PCDHGA1: variants seen among roughly 807,000 people sequenced by gnomAD.
The protein encoded by PCDHGA1 is protocadherin gamma subfamily A, 1, also known as protocadherin gamma-A1.
In PCDHGA1, 32 loss-of-function variants were observed where a neutral mutation model predicts 58.0. The observed-to-expected ratio is 0.55, with a 90% CI of 0.42 to 0.74. The LOEUF is 0.74. PCDHGA1 is among the 30% of genes least tolerant of loss of function. PCDHGA1 has a pLI of 0.00. For synonymous variants in PCDHGA1, 498 were observed against 501.1 expected (o/e 0.99, Z 0.08); for missense variants, 1,205 against 1,182.3 (o/e 1.02, Z -0.28).
rs148675327 is a variant in PCDHGA1 at position 141,477,019 on chromosome 5, C to A, written c.2422-17788C>A. On this transcript the variant is annotated intron_variant, in intron 1 of 3. Coordinates refer to ENST00000517417, the MANE Select transcript of PCDHGA1 (RefSeq NM_018912.3). The surrounding 1 kb of genome is among the most constrained non-coding windows in gnomAD (Gnocchi z 4.9). ...AACTATTCGCCTTAGACCTTGTAAC[C>A]GGGATGCTGACAATCAAGGGTCGGC... The A allele has an allele frequency of 1.7e-5, 28 of 1,614,124 alleles. No individual in the cohort carries two copies. The African/African-American group carries it at 2.5e-4, about 15-fold the overall frequency.
At chr5:141,339,806 T>C in intron 1 of PCDHGA1, 1 of 1,614,084 alleles carries the variant, frequency 6.2e-7, no homozygotes, top group East Asian at 2.2e-5. Flanking sequence ...TCAAGTGGTA[T>C]ATTTTCTAGA....
chr5:141,466,822 G>A (rs1396286898), intron 1 of PCDHGA1, among the ~76,000 whole-genome samples: 4 of 152,046 alleles, frequency 2.6e-5, no homozygotes. Flanking sequence ...GGTATAACAA[G>A]TTAGTATGGG....
At position 141,420,019 on chromosome 5, in the gene PCDHGA1, C is replaced by T. The variant is rs2096459006; in HGVS notation, c.2422-74788C>T. 13 of 1,614,072 alleles carry T rather than the reference C, an allele frequency of 8.1e-6. No homozygotes were observed. In the East Asian group the frequency reaches 2.7e-4, roughly 33 times the overall value. On this transcript the variant is annotated intron_variant, in intron 1 of 3. Coordinates refer to ENST00000517417, the MANE Select transcript of PCDHGA1 (RefSeq NM_018912.3). ...CTCTACGCCTGCGACAGTCTTTCAGCCCTACTGCAGGAGACTGCTTTGAGT... is the reference window on the plus strand; with the variant it reads ...CTCTACGCCTGCGACAGTCTTTCAGTCCTACTGCAGGAGACTGCTTTGAGT...
At chr5:141,340,648 G>C (rs772392717) in intron 1 of PCDHGA1, 1 of 1,614,206 alleles carries the variant, frequency 6.2e-7, no homozygotes, top group South Asian at 1.1e-5. Context: ...ACGACAACGC[G>C]CCCGAGATCC....
chr5:141,377,109 G>A (rs1437857373), intron 1 of PCDHGA1: 2 of 152,368 alleles, frequency 1.3e-5, no homozygotes, highest in Admixed American at 1.3e-4. Flanking sequence ...TCAAAAGAAT[G>A]TTCTGAAGTC....
intron 1 of PCDHGA1, chr5:141,361,762 A>G (rs1184426981): frequency 6.2e-7 from 1 of 1,613,010 alleles, no homozygotes; most frequent in Non-Finnish European, 8.5e-7. Flanking sequence ...GCCCGCGCTC[A>G]GCGCCAACGT....
intron 1 of PCDHGA1, chr5:141,410,118 G>C: frequency 1.2e-6 from 2 of 1,612,422 alleles, no homozygotes; most frequent in African/African-American, 2.7e-5. Flanking sequence ...GACGCAGCCC[G>C]CCAGCGCCTG....
intron 1 of PCDHGA1, chr5:141,346,559 T>C: frequency 6.8e-7 from 1 of 1,479,268 alleles, no homozygotes. Flanking sequence ...CATGAGGTTG[T>C]CATTAGTCCT....
intron 1 of PCDHGA1, among the ~76,000 whole-genome samples, chr5:141,369,505 G>GA (rs1379316544): frequency 5.3e-5 from 8 of 150,772 alleles, no homozygotes; most frequent in African/African-American, 1.2e-4. Context: ...CACCTCTATA[G>GA]AAAAAAAAAG....
chr5:141,393,752 AT>A, intron 1 of PCDHGA1: 1 of 1,613,942 alleles, frequency 6.2e-7, no homozygotes, highest in Non-Finnish European at 8.5e-7. Flanking sequence ...AAGAATGTTC[AT>A]TTTATGAAAT....
intron 1 of PCDHGA1, among the ~76,000 whole-genome samples, chr5:141,437,623 T>G (rs887878119): frequency 3.3e-5 from 5 of 152,172 alleles, no homozygotes; most frequent in Non-Finnish European, 7.4e-5. Context: ...TATCCCCATA[T>G]AAGATGTCAG....
At chr5:141,364,743 TA>T in intron 1 of PCDHGA1, 1 of 1,613,916 alleles carries the variant, frequency 6.2e-7, no homozygotes. Context: ...GATGAAGAGT[TA>T]AAAGTAAAAG....
chr5:141,474,518 G>T (rs1054372142), intron 1 of PCDHGA1, among the ~76,000 whole-genome samples: 1 of 152,168 alleles, frequency 6.6e-6, no homozygotes, highest in African/African-American at 2.4e-5. Context: ...CCTCTTGCTG[G>T]TCTGGCTAAT....
intron 1 of PCDHGA1, chr5:141,426,680 T>C (rs1261836011): frequency 2.3e-6 from 1 of 431,334 alleles, no homozygotes; most frequent in East Asian, 7.2e-5. Flanking sequence ...CACCTCATTT[T>C]CCCCAAAATA....
intron 1 of PCDHGA1, among the ~76,000 whole-genome samples, chr5:141,373,661 A>T (rs766983811): frequency 6.6e-6 from 1 of 152,270 alleles, no homozygotes; most frequent in Non-Finnish European, 1.5e-5. Context: ...AGATATTTTC[A>T]TAAAAATGAA....
At chr5:141,356,080 T>G in intron 1 of PCDHGA1, 9 of 1,613,922 alleles carry the variant, frequency 5.6e-6, no homozygotes, top group Non-Finnish European at 7.6e-6. Flanking sequence ...GCTATTTCAG[T>G]TGAATTCTCT....
At position 141,331,540 on chromosome 5, in the gene PCDHGA1, C is replaced by T; in HGVS notation, c.856C>T (p.His286Tyr). 1 of 1,614,096 alleles carries T rather than the reference C, an allele frequency of 6.2e-7. No individual in the cohort carries two copies. The highest frequency in any genetic ancestry group is 8.5e-7 in the Non-Finnish European group (1 of 1,180,046). The part of the protein sequence containing the change: ...EVTYSFHNVD[H>Y]RVAQIFRLDS... The stretch of plus-strand genomic sequence containing the variant: ...AACGTACTCCTTTCACAATGTAGAC[C>T]ACAGAGTGGCCCAAATATTTCGTTT... Residue 286 changes from histidine to tyrosine, a missense_variant, in exon 1 of 4, where the codon CAC (histidine) becomes TAC (tyrosine). His to Tyr is a moderately conservative substitution (Grantham distance 83, BLOSUM62 2). Transcript: ENST00000517417.
intron 1 of PCDHGA1, among the ~76,000 whole-genome samples, chr5:141,445,318 G>T (rs182520609): frequency 2.0e-4 from 30 of 152,306 alleles, no homozygotes; most frequent in African/African-American, 7.2e-4. Context: ...TAGGTTGAGA[G>T]AACCCATCCA....
chr5:141,386,848 A>G (rs1458200403), intron 1 of PCDHGA1, among the ~76,000 whole-genome samples: 1 of 152,186 alleles, frequency 6.6e-6, no homozygotes, highest in East Asian at 1.9e-4. Flanking sequence ...TAATCACTAA[A>G]CTCAGTGAGC....
Sources: allele counts gnomAD v4.1 joint callset (sites outside exome capture counted in the v4.1 genomes callset), GRCh38; gene constraint gnomAD v4.1.1; non-coding constraint Gnocchi (gnomAD v3.1); transcripts MANE v1.5; gene names NCBI Gene and HGNC (gene_info 2026-07-23, HGNC 2026-07-21).